The following PPARGC1A variants were observed in gnomAD, a reference collection of about 807,000 sequenced individuals.
PPARGC1A encodes the protein peroxisome proliferator-activated receptor gamma coactivator 1-alpha.
A neutral mutation model predicts 88.7 loss-of-function variants in PPARGC1A; 25 were observed. That is an observed-to-expected ratio of 0.28 (90% CI 0.21 to 0.39). PPARGC1A has a LOEUF of 0.39. PPARGC1A is among the 10% of genes least tolerant of loss of function. PPARGC1A has a pLI of 1.00. For synonymous variants in PPARGC1A, 363 were observed against 355.6 expected (o/e 1.02, Z -0.24); for missense variants, 880 against 968.7 (o/e 0.91, Z 1.22).
chr4:24,358,704 A>C, the PPARGC1A span, among the ~76,000 whole-genome samples: 1 of 152,220 alleles, frequency 6.6e-6, no homozygotes, highest in Non-Finnish European at 1.5e-5. Flanking sequence ...TATACCGCCC[A>C]TGCCTTGTGA....
At chr4:24,268,779 A>T in the PPARGC1A span, among the ~76,000 whole-genome samples, 47,215 of 152,158 alleles carry the variant, frequency 0.31, 8,167 homozygotes, top group Non-Finnish European at 0.39. Context: ...AATAATTCTG[A>T]TTAAAATATA....
the PPARGC1A span, among the ~76,000 whole-genome samples, chr4:23,910,341 T>TATTA: frequency 3.3e-5 from 2 of 60,606 alleles, no homozygotes; most frequent in African/African-American, 1.8e-4. Context: ...ATTATATATA[T>TATTA]TATATATTAT....
the PPARGC1A span, among the ~76,000 whole-genome samples, chr4:24,317,555 TAAAAAAAAAAAAAAAAAAAAAA>T: frequency 0.021 from 459 of 22,234 alleles, 13 homozygotes; most frequent in African/African-American, 0.042. Flanking sequence ...TTCAGAGGAC[TAAAAAAAAAAAAAAAAAAAAAA>T]AAAAAAAAAA....
At chr4:24,237,804 A>G in the PPARGC1A span, among the ~76,000 whole-genome samples, 3 of 152,204 alleles carry the variant, frequency 2.0e-5, no homozygotes, top group Non-Finnish European at 4.4e-5. Context: ...TATAGATCAC[A>G]TCTTCTAGCC....
chr4:23,860,054 T>C (rs114492700), intron 2 of PPARGC1A, among the ~76,000 whole-genome samples: 3,115 of 152,058 alleles, frequency 0.02, 43 homozygotes, highest in Middle Eastern at 0.065. Flanking sequence ...GGAGGATTGA[T>C]TGAGGCCAGG....
chr4:24,262,999 C>T, the PPARGC1A span, among the ~76,000 whole-genome samples: 108 of 152,238 alleles, frequency 7.1e-4, no homozygotes, highest in African/African-American at 2.0e-3. Context: ...GCTTCCTTTA[C>T]TTAACAGTCC....
chr4:24,315,024 A>AG, the PPARGC1A span, among the ~76,000 whole-genome samples: 3 of 144,742 alleles, frequency 2.1e-5, no homozygotes, highest in Non-Finnish European at 3.0e-5. Context: ...ACAGACCTTA[A>AG]AAAAAAAAAA....
intron 2 of PPARGC1A, among the ~76,000 whole-genome samples, chr4:23,862,540 A>T (rs1378079175): frequency 6.6e-6 from 1 of 152,206 alleles, no homozygotes; most frequent in African/African-American, 2.4e-5. Flanking sequence ...TGGGCAAGTT[A>T]CTTATTTAAG....
the PPARGC1A span, among the ~76,000 whole-genome samples, chr4:24,319,597 C>A: frequency 6.6e-6 from 1 of 152,154 alleles, no homozygotes; most frequent in South Asian, 2.1e-4. Context: ...GGGCTTTTAA[C>A]ATAACACAGT....
chr4:24,359,397 C>T, the PPARGC1A span, among the ~76,000 whole-genome samples: 3 of 152,150 alleles, frequency 2.0e-5, no homozygotes, highest in East Asian at 1.9e-4. Flanking sequence ...ACCTTTATCC[C>T]GGTCTCTACC....
chr4:24,156,942 T>A, the PPARGC1A span, among the ~76,000 whole-genome samples: 2 of 152,162 alleles, frequency 1.3e-5, no homozygotes, highest in Non-Finnish European at 2.9e-5. Flanking sequence ...CCAAAATACC[T>A]TTTTACTAAG....
the PPARGC1A span, among the ~76,000 whole-genome samples, chr4:24,260,512 G>A: frequency 6.6e-6 from 1 of 152,292 alleles, no homozygotes; most frequent in East Asian, 1.9e-4. Context: ...TAACATTCAC[G>A]AGTAACAGAG....
the PPARGC1A span, among the ~76,000 whole-genome samples, chr4:24,449,967 G>C: frequency 1.3e-5 from 2 of 152,120 alleles, no homozygotes; most frequent in Non-Finnish European, 2.9e-5. Context: ...AATCAGGAAA[G>C]AAATATTTAA....
chr4:24,307,048 C>T, the PPARGC1A span, among the ~76,000 whole-genome samples: 2 of 152,162 alleles, frequency 1.3e-5, no homozygotes, highest in African/African-American at 2.4e-5. Flanking sequence ...GGGATATTCA[C>T]TGGTTTGTAG....
chr4:23,805,516 T>C (rs1006811883), intron 10 of PPARGC1A, among the ~76,000 whole-genome samples: 1 of 152,170 alleles, frequency 6.6e-6, no homozygotes, highest in African/African-American at 2.4e-5. Context: ...TTGAAGGCTG[T>C]GATTGTGCCA....
chr4:23,811,563 T>C (rs1720897082), intron 10 of PPARGC1A, among the ~76,000 whole-genome samples: 1 of 152,156 alleles, frequency 6.6e-6, no homozygotes, highest in African/African-American at 2.4e-5. Flanking sequence ...ATGTCTGCCA[T>C]GGGCATGGGC....
At chr4:24,057,230 T>C in the PPARGC1A span, among the ~76,000 whole-genome samples, 3 of 152,338 alleles carry the variant, frequency 2.0e-5, no homozygotes, top group East Asian at 1.9e-4. Context: ...ATTCCTCTTA[T>C]ACAAAATACC....
the PPARGC1A span, among the ~76,000 whole-genome samples, chr4:23,922,392 C>A: frequency 6.6e-6 from 1 of 152,194 alleles, no homozygotes; most frequent in Non-Finnish European, 1.5e-5. Context: ...TTTCTATAAC[C>A]ATCGAAGCGT....
chr4:23,802,326 T>G lies in PPARGC1A; in HGVS notation c.2039A>C (p.Tyr680Ser), dbSNP rs751898840. ...TGTGTCAGGTCTGATTTTACCGACA[T>G]AAATCACACGGCGCTCTTCCTATGG... ...QKAIEERRVI[Y>S]VGKIRPDTTR... The change falls in exon 11 of 13, where the codon TAT becomes TCT. Residue 680 changes from tyrosine (Y) to serine (S), a missense_variant. Tyr to Ser is a moderately radical substitution (Grantham distance 144). Transcript: ENST00000264867. 2 of 1,613,890 alleles carry G rather than the reference T, an allele frequency of 1.2e-6. No individual in the cohort carries two copies. The highest frequency in any genetic ancestry group is 1.7e-5 in the Admixed American group (1 of 59,984).
Sources: gnomAD v4.1 joint callset for allele counts (sites outside exome capture counted in the v4.1 genomes callset) on GRCh38, gnomAD v4.1.1 for gene constraint, MANE v1.5 for transcripts, NCBI Gene and HGNC (gene_info 2026-07-23, HGNC 2026-07-21) for gene names.